GAS7: variants seen among roughly 807,000 people sequenced by gnomAD.
GAS7 encodes growth arrest-specific protein 7.
Under a neutral mutation model 71.1 loss-of-function variants are expected in GAS7, and 28 were observed. The observed-to-expected ratio is 0.39, with a 90% CI of 0.29 to 0.54. The LOEUF (loss-of-function observed/expected upper bound fraction) is 0.54. GAS7 is among the 20% of genes least tolerant of loss of function. The probability of loss-of-function intolerance (pLI) is 0.62; values close to 1 mark genes in which losing one functional copy is unlikely to be tolerated. For synonymous variants in GAS7, 258 were observed against 245.8 expected, an observed-to-expected ratio of 1.05 and a Z score of -0.46; for missense variants, 436 against 627.8, an observed-to-expected ratio of 0.69 and a Z score of 3.27.
intron 1 of GAS7, among the ~76,000 whole-genome samples, chr17:10,061,659 G>A (rs143514938): frequency 7.0e-4 from 106 of 152,310 alleles, no homozygotes; most frequent in African/African-American, 2.1e-3. Context: ...ATGCGGTGTC[G>A]TTAATGACAG....
At chr17:10,098,185 C>A (rs2073662856) in intron 1 of GAS7, among the ~76,000 whole-genome samples, 1 of 152,178 alleles carries the variant, frequency 6.6e-6, no homozygotes, top group African/African-American at 2.4e-5. Flanking sequence ...TCTTGGGCAC[C>A]CAGAGCACAT....
chr17:9,937,074 C>G (rs1459425655), intron 8 of GAS7, among the ~76,000 whole-genome samples: 1 of 152,224 alleles, frequency 6.6e-6, no homozygotes, highest in Non-Finnish European at 1.5e-5. Context: ...AGTGTCTTTG[C>G]ACGTTGTACG....
intron 2 of GAS7, among the ~76,000 whole-genome samples, chr17:9,986,654 C>T (rs1285516421): frequency 6.6e-6 from 1 of 152,152 alleles, no homozygotes; most frequent in African/African-American, 2.4e-5. Flanking sequence ...ATGTGGGGAC[C>T]CGATGGGAGG....
intron 2 of GAS7, among the ~76,000 whole-genome samples, chr17:9,982,815 GGAAA>G (rs2070465203): frequency 1.3e-5 from 1 of 74,278 alleles, no homozygotes; most frequent in African/African-American, 8.1e-5. Flanking sequence ...AGGAAAGAAA[GGAAA>G]GAAAGGAAAG....
intron 1 of GAS7, among the ~76,000 whole-genome samples, chr17:10,105,695 C>T (rs1031325912): frequency 6.6e-5 from 10 of 152,194 alleles, no homozygotes; most frequent in Admixed American, 3.3e-4. Flanking sequence ...AAAGAAGCCA[C>T]CCACTTCCTC....
chr17:9,965,699 T>TA (rs1473155384), intron 4 of GAS7, among the ~76,000 whole-genome samples: 5 of 152,178 alleles, frequency 3.3e-5, no homozygotes, highest in Admixed American at 6.5e-5. Flanking sequence ...AAAAAGATGA[T>TA]TCGCCTTTGA....
chr17:9,959,418 AC>A lies in GAS7; in HGVS notation c.472-164del. 6.8e-7 allele frequency: 1 copy of A among 1,461,518 alleles called. No individual in the cohort carries two copies. 90.5% of individuals were successfully genotyped at this position (1,461,518 alleles called of 1,614,324 possible). A position where few individuals can be genotyped will look rare whatever the true frequency, so the allele number is the denominator to read the frequency against. ...GCCAGGGCAAGCAGGGGTCTCCCTGACCCCACGCTGTTCCCACGCCCAGCTC... is the reference window on the plus strand; with the variant it reads ...GCCAGGGCAAGCAGGGGTCTCCCTGACCCACGCTGTTCCCACGCCCAGCTC... On this transcript the variant is annotated intron_variant, in intron 4 of 13. Transcript: ENST00000432992. This position sits in a 1 kb window ranked among gnomAD's most constrained non-coding sequence, Gnocchi z 5.0.
At chr17:10,081,599 T>C (rs549425935) in intron 1 of GAS7, among the ~76,000 whole-genome samples, 26 of 151,954 alleles carry the variant, frequency 1.7e-4, no homozygotes, top group Non-Finnish European at 3.4e-4. Flanking sequence ...GACTGCGAAA[T>C]AGAAAAATGA....
At chr17:9,965,431 A>G (rs1267986335) in intron 4 of GAS7, among the ~76,000 whole-genome samples, 1 of 152,188 alleles carries the variant, frequency 6.6e-6, no homozygotes, top group African/African-American at 2.4e-5. Flanking sequence ...TAAACACCGC[A>G]TGTTCTCACT....
chr17:10,113,465 C>G (rs1567597197), intron 1 of GAS7, among the ~76,000 whole-genome samples: 1 of 152,136 alleles, frequency 6.6e-6, no homozygotes, highest in African/African-American at 2.4e-5. Flanking sequence ...ATGAGTGGGG[C>G]AGGCATTAAA....
chr17:10,024,266 A>G (rs1016135), intron 1 of GAS7, among the ~76,000 whole-genome samples: 52,762 of 152,150 alleles, frequency 0.35, 10,071 homozygotes, highest in African/African-American at 0.52. Flanking sequence ...CAGAGGGGCA[A>G]GAGCAGCCGG....
At chr17:10,053,928 T>G (rs898026451) in intron 1 of GAS7, among the ~76,000 whole-genome samples, 2 of 152,194 alleles carry the variant, frequency 1.3e-5, no homozygotes, top group African/African-American at 4.8e-5. Context: ...GGACACAGTC[T>G]GCCGGGCCCA....
At chr17:10,095,754 G>C (rs1283944387) in intron 1 of GAS7, among the ~76,000 whole-genome samples, 1 of 147,010 alleles carries the variant, frequency 6.8e-6, no homozygotes, top group Non-Finnish European at 1.5e-5. Context: ...AGTGAGCTGA[G>C]ATCATGCCAC....
chr17:9,959,527 C>A lies in GAS7; in HGVS notation c.472-272G>T. 8.4e-7 allele frequency: 1 copy of A among 1,197,264 alleles called. No homozygotes were observed. Among genetic ancestry groups the A allele is most frequent in the Non-Finnish European group, 1.1e-6 (1 of 912,570 alleles). The allele number at this position is 1,197,264 out of a possible 1,614,324, so 74.2% of individuals were successfully genotyped here. ...AACCAGGTCTCCCCTCCTCTTCTCT[C>A]AGTCTGTGATTTGGGGAGTTAACCC... On this transcript the variant is annotated intron_variant, in intron 4 of 13. Transcript: ENST00000432992. The surrounding 1 kb of genome is among the most constrained non-coding windows in gnomAD (Gnocchi z 5.0).
chr17:9,996,336 C>CTG (rs1320201466), intron 2 of GAS7, among the ~76,000 whole-genome samples: 1 of 150,544 alleles, frequency 6.6e-6, no homozygotes, highest in African/African-American at 2.4e-5. Context: ...AAACCAAACA[C>CTG]CACATGTTCT....
chr17:9,991,300 C>T (rs1340493751), intron 2 of GAS7, among the ~76,000 whole-genome samples: 3 of 152,120 alleles, frequency 2.0e-5, no homozygotes, highest in African/African-American at 7.2e-5. Context: ...CAGTGTCAGG[C>T]TATCCCTTAG....
intron 1 of GAS7, among the ~76,000 whole-genome samples, chr17:10,052,191 A>T (rs933278432): frequency 6.6e-6 from 1 of 152,192 alleles, no homozygotes; most frequent in African/African-American, 2.4e-5. Context: ...CCTGACCGAG[A>T]ACTGCAAAAG....
intron 1 of GAS7, among the ~76,000 whole-genome samples, chr17:10,195,481 G>A (rs1268216146): frequency 1.3e-5 from 2 of 152,118 alleles, no homozygotes; most frequent in Non-Finnish European, 2.9e-5. Flanking sequence ...CTGGAGTAGG[G>A]AGCACATTAG....
intron 1 of GAS7, among the ~76,000 whole-genome samples, chr17:10,154,662 T>C (rs2074191324): frequency 6.6e-6 from 1 of 152,036 alleles, no homozygotes; most frequent in Non-Finnish European, 1.5e-5. Context: ...CCCATCTCTA[T>C]TTTTCAAAAA....
Sources: gnomAD v4.1 joint callset for allele counts (sites outside exome capture counted in the v4.1 genomes callset) on GRCh38, gnomAD v4.1.1 for gene constraint, Gnocchi (gnomAD v3.1) non-coding constraint, MANE v1.5 for transcripts, NCBI Gene and HGNC (gene_info 2026-07-23, HGNC 2026-07-21) for gene names.